The following STXBP5L variants were observed in gnomAD, a reference collection of about 807,000 sequenced individuals.
STXBP5L encodes syntaxin binding protein 5L.
STXBP5L carries 65 observed loss-of-function variants against 144.5 expected under a neutral mutation model. That is an observed-to-expected ratio of 0.45 (90% CI 0.37 to 0.55). STXBP5L has a LOEUF of 0.55. Among genes scored for constraint, STXBP5L ranks in the 20% least tolerant of loss-of-function variants. The pLI is 0.00. For synonymous variants in STXBP5L, 505 were observed against 469.6 expected (o/e 1.08, Z -0.97); for missense variants, 1,298 against 1,405.5 (o/e 0.92, Z 1.22).
At chr3:121,170,956 A>G (rs2046689836) in intron 9 of STXBP5L, among the ~76,000 whole-genome samples, 2 of 152,168 alleles carry the variant, frequency 1.3e-5, no homozygotes, top group South Asian at 4.1e-4. Flanking sequence ...AATACTGGTA[A>G]ACCGAATCCA....
intron 7 of STXBP5L, among the ~76,000 whole-genome samples, chr3:121,140,068 A>C (rs544479482): frequency 6.6e-5 from 10 of 152,200 alleles, no homozygotes; most frequent in African/African-American, 2.2e-4. Flanking sequence ...AAATAGATTA[A>C]ATAATTAAGT....
At chr3:121,129,554 C>T (rs886560935) in intron 7 of STXBP5L, among the ~76,000 whole-genome samples, 1 of 151,980 alleles carries the variant, frequency 6.6e-6, no homozygotes, top group Admixed American at 6.6e-5. Context: ...ACCTAAGATA[C>T]AGTTACATAT....
chr3:121,057,844 T>C (rs1560071556), intron 5 of STXBP5L, among the ~76,000 whole-genome samples: 1 of 152,088 alleles, frequency 6.6e-6, no homozygotes, highest in Non-Finnish European at 1.5e-5. Context: ...ATCTCTTTTT[T>C]CTATCTCTCA....
chr3:121,306,006 T>A (rs1030731773), intron 19 of STXBP5L, among the ~76,000 whole-genome samples: 1 of 152,084 alleles, frequency 6.6e-6, no homozygotes, highest in African/African-American at 2.4e-5. Context: ...AAATGAACTT[T>A]AAAAAAATAC....
intron 6 of STXBP5L, among the ~76,000 whole-genome samples, chr3:121,118,938 A>G (rs2222226): frequency 0.11 from 16,891 of 151,416 alleles, 1,034 homozygotes; most frequent in Non-Finnish European, 0.14. Flanking sequence ...TGGAGTTGGT[A>G]TAGAAGAATA....
At chr3:121,312,368 C>CTTTTTT (rs71619793) in intron 19 of STXBP5L, among the ~76,000 whole-genome samples, 1 of 60,086 alleles carries the variant, frequency 1.7e-5, no homozygotes, top group Non-Finnish European at 3.1e-5. Flanking sequence ...TAAAGAGCTT[C>CTTTTTT]TTTTTTTTTT....
At chr3:121,144,728 A>G (rs984268513) in intron 7 of STXBP5L, among the ~76,000 whole-genome samples, 2 of 151,988 alleles carry the variant, frequency 1.3e-5, no homozygotes, top group Non-Finnish European at 2.9e-5. Context: ...AGATGAATAA[A>G]CAACATGTGG....
intron 5 of STXBP5L, among the ~76,000 whole-genome samples, chr3:121,068,260 G>A (rs934665931): frequency 5.3e-5 from 8 of 152,190 alleles, no homozygotes; most frequent in Admixed American, 3.3e-4. Flanking sequence ...TGCCTGCCTC[G>A]GCCTCCCAGT....
rs372547895 is a variant in STXBP5L, at chr3:121,387,902, T to C, written c.2587+6370T>C. On this transcript the variant is annotated intron_variant, in intron 22 of 26. Coordinates refer to ENST00000471454, the MANE Select transcript of STXBP5L (RefSeq NM_001308330.2). ...CGATGCAGGCTCTTTTTTGGTTCCATATGAACTTTAAAGTAGTTTTTTCCA... is the reference window on the plus strand; with the variant it reads ...CGATGCAGGCTCTTTTTTGGTTCCACATGAACTTTAAAGTAGTTTTTTCCA... Among the ~76,000 whole-genome samples the C allele has an allele frequency of 8.5e-5, 13 of 152,322 alleles. No homozygotes were observed. In the East Asian group the frequency reaches 2.5e-3, roughly 29 times the overall value.
chr3:121,418,262 C>T (rs2047284147), intron 25 of STXBP5L, 75 bp from the exon 26 acceptor site: 1 of 1,466,200 alleles, frequency 6.8e-7, no homozygotes, highest in Non-Finnish European at 9.2e-7. Context: ...AATACTAGTA[C>T]TTTGTCTTGG....
At chr3:121,035,697 A>T (rs374188424) in intron 3 of STXBP5L, among the ~76,000 whole-genome samples, 2 of 151,930 alleles carry the variant, frequency 1.3e-5, no homozygotes, top group Non-Finnish European at 2.9e-5. Flanking sequence ...TGGCACTTTT[A>T]TTGGTTCCAT....
Position 121,320,611 on chromosome 3 carries a change from T to C in STXBP5L, c.2176+2071T>C, listed in dbSNP as rs138621637. On this transcript the variant is annotated intron_variant, in intron 20 of 26. Coordinates refer to ENST00000471454, the MANE Select transcript of STXBP5L (RefSeq NM_001308330.2). The stretch of plus-strand genomic sequence containing the variant: ...AATTGCTGTCAGTTTTTGGTAGATA[T>C]GCTGTTTTTAGCCCTTTGCCTATGA... Among the ~76,000 whole-genome samples, 902 of 152,208 alleles carry C rather than the reference T, an allele frequency of 5.9e-3. 10 individuals carry two copies. The highest frequency in any genetic ancestry group is 4.2e-3 in the Non-Finnish European group (285 of 68,012).
chr3:121,404,422 T>G (rs2046951549), intron 22 of STXBP5L, among the ~76,000 whole-genome samples: 1 of 152,164 alleles, frequency 6.6e-6, no homozygotes. Flanking sequence ...GCTTCCAGCC[T>G]TGGTTCCCTT....
chr3:121,312,949 A>C (rs1247317765), intron 19 of STXBP5L, among the ~76,000 whole-genome samples: 2 of 152,186 alleles, frequency 1.3e-5, no homozygotes, highest in Non-Finnish European at 2.9e-5. Context: ...CATTGTCATC[A>C]TGGCCCATCA....
rs1052832099 is a variant in STXBP5L, at chr3:121,041,772, G to T, written c.360G>T (p.Leu120Phe). ...SGAAVLQLQF[L>F]INEGALVSAS... Reference sequence around the variant, plus strand: ...CAGCTGTCCTACAGCTCCAATTTTTGATCAATGAGGTAAGGATTATTTTTT... The same window carrying T: ...CAGCTGTCCTACAGCTCCAATTTTTTATCAATGAGGTAAGGATTATTTTTT... The change falls in exon 4 of 27, where the codon TTG becomes TTT. Residue 120 changes from leucine to phenylalanine, a missense_variant. Coordinates refer to ENST00000471454, the MANE Select transcript of STXBP5L (RefSeq NM_001308330.2). 1 of 1,611,632 alleles carries T rather than the reference G, an allele frequency of 6.2e-7. No homozygotes were observed. The highest frequency in any genetic ancestry group is 8.5e-7 in the Non-Finnish European group (1 of 1,178,364).
At chr3:121,226,155 G>A (rs1326419686) in intron 11 of STXBP5L, among the ~76,000 whole-genome samples, 1 of 152,188 alleles carries the variant, frequency 6.6e-6, no homozygotes, top group Non-Finnish European at 1.5e-5. Flanking sequence ...AAGGTTGTGA[G>A]CTATCCCAAG....
intron 9 of STXBP5L, among the ~76,000 whole-genome samples, chr3:121,177,974 C>A (rs1270045175): frequency 6.6e-6 from 1 of 152,124 alleles, no homozygotes; most frequent in Non-Finnish European, 1.5e-5. Flanking sequence ...GAACATGCTA[C>A]AACATGGATG....
intron 20 of STXBP5L, among the ~76,000 whole-genome samples, chr3:121,351,996 A>T (rs960077420): frequency 6.6e-6 from 1 of 151,886 alleles, no homozygotes; most frequent in Admixed American, 6.6e-5. Context: ...ATGATTGTAG[A>T]TGTGTAGTGT....
intron 3 of STXBP5L, among the ~76,000 whole-genome samples, chr3:120,958,162 A>C (rs1003094706): frequency 6.6e-6 from 1 of 152,238 alleles, no homozygotes; most frequent in Non-Finnish European, 1.5e-5. Flanking sequence ...ATCTAGAAGA[A>C]ATGGATAAAT....
Sources: allele counts gnomAD v4.1 joint callset (sites outside exome capture counted in the v4.1 genomes callset), GRCh38; gene constraint gnomAD v4.1.1; transcripts MANE v1.5; gene names NCBI Gene and HGNC (gene_info 2026-07-23, HGNC 2026-07-21).